GUCY1B1: variants seen among roughly 807,000 people sequenced by gnomAD.
GUCY1B1 encodes guanylate cyclase 1 soluble subunit beta 1, also known as guanylate cyclase soluble subunit beta-1.
In GUCY1B1, 43 loss-of-function variants were observed where a neutral mutation model predicts 71.0. That is an observed-to-expected ratio of 0.61 (90% CI 0.47 to 0.78). GUCY1B1 has a LOEUF of 0.78. Among genes scored for constraint, GUCY1B1 ranks in the 30% least tolerant of loss-of-function variants. GUCY1B1 has a pLI of 0.00. For missense variants in GUCY1B1, 535 were observed against 754.1 expected (o/e 0.71, Z 3.40); for synonymous variants, 266 against 259.7 (o/e 1.02, Z -0.23).
chr4:155,790,432 T>C (rs1354952217), intron 5 of GUCY1B1, among the ~76,000 whole-genome samples: 2 of 152,220 alleles, frequency 1.3e-5, no homozygotes, highest in Non-Finnish European at 2.9e-5. Context: ...TCTGGTACTT[T>C]AAAAATTGTG....
chr4:155,806,429 AGAG>A lies in GUCY1B1; in HGVS notation c.*24_*26del, dbSNP rs781735436. On this transcript the variant is annotated 3_prime_UTR_variant, in exon 14 of 14. Transcript: ENST00000264424. ...GACTGAATCTTGGATTATGGGGTGA[AGAG>A]GAGTACAGACTAGGTTCCAGTTTTC... 1 of 1,578,104 alleles carries A rather than the reference AGAG, an allele frequency of 6.3e-7. No individual in the cohort carries two copies. Among genetic ancestry groups the A allele is most frequent in the Admixed American group, 1.7e-5 (1 of 59,722 alleles).
intron 11 of GUCY1B1, 115 bp from the exon 12 acceptor site, chr4:155,804,478 A>G (rs540534234): frequency 1.2e-5 from 9 of 750,376 alleles, no homozygotes; most frequent in African/African-American, 5.3e-5. Flanking sequence ...ATATATACCT[A>G]TGTAACAAAC....
intron 2 of GUCY1B1, among the ~76,000 whole-genome samples, chr4:155,760,161 C>T (rs1469142459): frequency 1.3e-5 from 2 of 152,144 alleles, no homozygotes; most frequent in Non-Finnish European, 2.9e-5. Flanking sequence ...CTCCCAGGCT[C>T]AGCAGGCCGG....
chr4:155,782,262 G>C (rs1366217150), intron 4 of GUCY1B1, among the ~76,000 whole-genome samples: 1 of 151,918 alleles, frequency 6.6e-6, no homozygotes, highest in Non-Finnish European at 1.5e-5. Context: ...CTTTTATTTT[G>C]TATTTTTTAG....
intron 1 of GUCY1B1, chr4:155,759,410 C>T (rs1736795433): frequency 1.8e-6 from 1 of 545,332 alleles, no homozygotes; most frequent in East Asian, 3.3e-5. Context: ...GGAGGTGCGG[C>T]GGAGGCGTGG....
chr4:155,800,074 C>A lies in GUCY1B1; in HGVS notation c.1175C>A (p.Thr392Lys). 1 of 1,599,958 alleles carries A rather than the reference C, an allele frequency of 6.3e-7. No individual in the cohort carries two copies. Among genetic ancestry groups the A allele is most frequent in the Non-Finnish European group, 8.6e-7 (1 of 1,169,020 alleles). The change falls in exon 9 of 14, where the codon ACA becomes AAA. Residue 392 changes from threonine to lysine, a missense_variant and splice_region_variant. Thr to Lys is a moderately conservative substitution (Grantham distance 78). Coordinates refer to ENST00000264424, the MANE Select transcript of GUCY1B1 (RefSeq NM_000857.5). ...ALEDEKKKTD[T>K]LLYSVLPPSV... ...GAAGATGAAAAGAAAAAGACAGACA[C>A]GTAAGAATGTAACGCTTGGAGCACT...
chr4:155,780,445 T>C (rs1738339689), intron 4 of GUCY1B1, among the ~76,000 whole-genome samples: 1 of 152,164 alleles, frequency 6.6e-6, no homozygotes, highest in Non-Finnish European at 1.5e-5. Context: ...AACCTCTCTC[T>C]TATTTTCATA....
intron 2 of GUCY1B1, 116 bp downstream of exon 2, chr4:155,759,976 T>G: frequency 1.5e-6 from 1 of 672,440 alleles, no homozygotes; most frequent in Non-Finnish European, 2.6e-6. Context: ...TCCTTGGAGG[T>G]GCCTCCGCGC....
In GUCY1B1 at chr4:155,804,746, A is replaced by C. The variant is rs372149509; in HGVS notation, c.1708A>C (p.Arg570=). Reference sequence around the variant, plus strand: ...AATAAATGTGTCTGAATATACATACAGGTGAGAGAAAATGTCTTGGTATTT... The same window carrying C: ...AATAAATGTGTCTGAATATACATACCGGTGAGAGAAAATGTCTTGGTATTT... ...GKINVSEYTY[R]CLMSPENSDP... The change falls in exon 12 of 14, where the codon AGA becomes CGA. Residue 570 remains arginine, a splice_region_variant and synonymous_variant. Transcript: ENST00000264424. 5 of 1,610,228 alleles carry C rather than the reference A, an allele frequency of 3.1e-6. No homozygotes were observed. The highest frequency in any genetic ancestry group is 4.2e-6 in the Non-Finnish European group (5 of 1,177,456).
Position 155,802,220 on chromosome 4 carries a change from C to G in GUCY1B1, c.1176-122C>G. The G allele has an allele frequency of 6.6e-7, 1 of 1,519,730 alleles. No individual in the cohort carries two copies. Among genetic ancestry groups the G allele is most frequent in the Non-Finnish European group, 8.8e-7 (1 of 1,137,154 alleles). The allele number at this position is 1,519,730 out of a possible 1,614,324, so 94.1% of individuals were successfully genotyped here. ...ATTTGATGCTAATTTTAGAGGATGT[C>G]CTGCTAGAATCCAGGCCTTTAAAGT... On this transcript the variant is annotated intron_variant, in intron 9 of 13. Transcript: ENST00000264424. The surrounding 1 kb of genome is among the most constrained non-coding windows in gnomAD (Gnocchi z 4.3).
At chr4:155,760,564 G>A (rs1418225583) in intron 2 of GUCY1B1, among the ~76,000 whole-genome samples, 1 of 151,912 alleles carries the variant, frequency 6.6e-6, no homozygotes, top group Non-Finnish European at 1.5e-5. Context: ...ACCCACCTGA[G>A]AGTTTAAACC....
At chr4:155,772,112 G>A (rs190601822) in intron 2 of GUCY1B1, among the ~76,000 whole-genome samples, 128 of 152,138 alleles carry the variant, frequency 8.4e-4, no homozygotes, top group Non-Finnish European at 2.8e-4. Context: ...TGTATATTAC[G>A]TTTTCATAAT....
At chr4:155,775,233 G>A (rs754886378) in intron 3 of GUCY1B1, among the ~76,000 whole-genome samples, 165 bp downstream of exon 3, 6 of 152,208 alleles carry the variant, frequency 3.9e-5, no homozygotes, top group Non-Finnish European at 7.3e-5. Flanking sequence ...CTCAGGCTAT[G>A]CCAAGTCTTA....
Position 155,780,276 on chromosome 4 carries a change from G to A in GUCY1B1, c.297+2634G>A, listed in dbSNP as rs1026048753. Among the ~76,000 whole-genome samples, 45 of 151,896 alleles carry A rather than the reference G, an allele frequency of 3.0e-4. 1 individual carries two copies. Among genetic ancestry groups the A allele is most frequent in the Admixed American group, 2.9e-3 (44 of 15,260 alleles). On this transcript the variant is annotated intron_variant, in intron 4 of 13. Coordinates refer to ENST00000264424, the MANE Select transcript of GUCY1B1 (RefSeq NM_000857.5). ...AGAACCTTGTATTTATCTTGTTCCC[G>A]CTATCCTCTCAGCTTTTCCACTGCT... is the stretch of plus-strand genomic sequence containing the variant.
intron 2 of GUCY1B1, among the ~76,000 whole-genome samples, chr4:155,768,356 A>C (rs1737476633): frequency 6.6e-6 from 1 of 152,206 alleles, no homozygotes; most frequent in Non-Finnish European, 1.5e-5. Flanking sequence ...GATATTTTGG[A>C]CAAATTGTAT....
intron 2 of GUCY1B1, among the ~76,000 whole-genome samples, chr4:155,763,363 A>G (rs934601781): frequency 5.9e-5 from 9 of 152,104 alleles, no homozygotes; most frequent in African/African-American, 2.2e-4. Flanking sequence ...TTTTAACCTC[A>G]CTGAAACATA....
At position 155,805,087 on chromosome 4, in the gene GUCY1B1, T is replaced by C; in HGVS notation, c.1710-16T>C. 2 of 1,607,690 alleles carry C rather than the reference T, an allele frequency of 1.2e-6. No individual in the cohort carries two copies. Among genetic ancestry groups the C allele is most frequent in the Non-Finnish European group, 1.7e-6 (2 of 1,175,304 alleles). On this transcript the variant is annotated splice_polypyrimidine_tract_variant and intron_variant, in intron 12 of 13. Coordinates refer to ENST00000264424, the MANE Select transcript of GUCY1B1 (RefSeq NM_000857.5). ...GTGTATACTTCTCTCTCTACTCCCC[T>C]TCCCTTGTCTTTTAGATGTCTTATG...
chr4:155,764,710 C>T (rs181768519), intron 2 of GUCY1B1, among the ~76,000 whole-genome samples: 6 of 152,244 alleles, frequency 3.9e-5, no homozygotes, highest in East Asian at 1.9e-4. Context: ...CAGAGGAAGG[C>T]GTTGCATTGT....
intron 5 of GUCY1B1, among the ~76,000 whole-genome samples, chr4:155,791,557 C>G (rs1343287611): frequency 6.7e-6 from 1 of 150,052 alleles, no homozygotes; most frequent in Non-Finnish European, 1.5e-5. Flanking sequence ...GGTGAAACCC[C>G]GTCTCTACTA....
Sources: allele counts gnomAD v4.1 joint callset (sites outside exome capture counted in the v4.1 genomes callset), GRCh38; gene constraint gnomAD v4.1.1; non-coding constraint Gnocchi (gnomAD v3.1); transcripts MANE v1.5; gene names NCBI Gene and HGNC (gene_info 2026-07-23, HGNC 2026-07-21).